Variants in PLPPR1 observed in about 807,000 individuals in gnomAD.
PLPPR1 encodes phospholipid phosphatase related 1.
A neutral mutation model predicts 33.1 loss-of-function variants in PLPPR1; 10 were observed. The observed-to-expected ratio is 0.30, with a 90% CI of 0.19 to 0.51. The LOEUF (loss-of-function observed/expected upper bound fraction) is 0.51. Ranked by LOEUF, PLPPR1 falls within the 20% of genes least tolerant of loss-of-function variation. The probability of loss-of-function intolerance (pLI) is 0.97; values close to 1 mark genes in which losing one functional copy is unlikely to be tolerated. For missense variants in PLPPR1, 304 were observed against 408.1 expected, an observed-to-expected ratio of 0.74 and a Z score of 2.20; for synonymous variants, 151 against 151.0, an observed-to-expected ratio of 1.00 and a Z score of 0.00.
At position 101,035,674 on chromosome 9, in the gene PLPPR1, G is replaced by A. The variant is rs549890167; in HGVS notation, c.-46+6572G>A. ...AACATAGTGCTTGGCATATATAAGC[G>A]TTCAGTAAACGTTTTTGATTGAATA... is the stretch of plus-strand genomic sequence containing the variant. On this transcript the variant is annotated intron_variant, in intron 1 of 7. Transcript: ENST00000374874. Among the ~76,000 whole-genome samples, 18 of 152,178 alleles carry A rather than the reference G, an allele frequency of 1.2e-4. 1 individual carries two copies. The South Asian group carries it at 3.5e-3, about 30-fold the overall frequency.
At chr9:101,314,535 C>T (rs1387278039) in intron 6 of PLPPR1, among the ~76,000 whole-genome samples, 1 of 151,722 alleles carries the variant, frequency 6.6e-6, no homozygotes, top group African/African-American at 2.4e-5. Flanking sequence ...TTTTGGTTTC[C>T]CAGTGCATAT....
chr9:101,289,235 C>T (rs1233493819), intron 4 of PLPPR1, among the ~76,000 whole-genome samples: 1 of 152,212 alleles, frequency 6.6e-6, no homozygotes, highest in Non-Finnish European at 1.5e-5. Flanking sequence ...GCTGTTTAGA[C>T]ATTACCTGTT....
chr9:101,294,597 A>C (rs1211589350), intron 4 of PLPPR1, among the ~76,000 whole-genome samples: 2 of 152,088 alleles, frequency 1.3e-5, no homozygotes, highest in African/African-American at 4.8e-5. Flanking sequence ...CAAAAAGCTT[A>C]TCCACCATGA....
rs1829223182 is a variant in PLPPR1, at chr9:101,324,821, A to C, written c.*764A>C. 6.6e-6 allele frequency: 1 copy of C among 152,640 alleles called. No individual in the cohort carries two copies. The highest frequency in any genetic ancestry group is 1.5e-5 in the Non-Finnish European group (1 of 68,044). The allele number at this position is 152,640 out of a possible 1,614,324, so 9.5% of individuals were successfully genotyped here. A position where few individuals can be genotyped will look rare whatever the true frequency, so the allele number is the denominator to read the frequency against. ...TCAACTCAACAGTTTTGTATCTCAT[A>C]TTATATGGACTTTATATGAAAATGA... On this transcript the variant is annotated 3_prime_UTR_variant, in exon 8 of 8. Transcript: ENST00000374874.
At chr9:101,081,786 G>T (rs1158953401) in intron 1 of PLPPR1, among the ~76,000 whole-genome samples, 2 of 152,194 alleles carry the variant, frequency 1.3e-5, no homozygotes, top group Admixed American at 1.3e-4. Context: ...GAAATCTCCA[G>T]ACTGTGTGGG....
chr9:101,309,528 C>T, intron 5 of PLPPR1, 67 bp downstream of exon 5: 1 of 1,534,648 alleles, frequency 6.5e-7, no homozygotes, highest in Admixed American at 1.8e-5. Context: ...CCTGCCCTGT[C>T]TCCATTCTTT....
chr9:101,029,177 C>T (rs1270844524), intron 1 of PLPPR1, 75 bp downstream of exon 1: 3 of 153,386 alleles, frequency 2.0e-5, no homozygotes, highest in African/African-American at 7.2e-5. Context: ...GGGGCAAGCT[C>T]CTGGCCGGAC....
At chr9:101,051,920 C>T (rs972497618) in intron 1 of PLPPR1, among the ~76,000 whole-genome samples, 1 of 152,166 alleles carries the variant, frequency 6.6e-6, no homozygotes, top group African/African-American at 2.4e-5. Flanking sequence ...TTACCCTATA[C>T]ATATTCTTTC....
intron 2 of PLPPR1, among the ~76,000 whole-genome samples, chr9:101,251,692 A>G (rs1280039285): frequency 6.6e-6 from 1 of 152,056 alleles, no homozygotes; most frequent in East Asian, 1.9e-4. Flanking sequence ...TCATAACCCT[A>G]AAGGTGACTC....
At chr9:101,211,723 G>T (rs1159415196) in intron 2 of PLPPR1, among the ~76,000 whole-genome samples, 2 of 152,144 alleles carry the variant, frequency 1.3e-5, no homozygotes, top group Non-Finnish European at 2.9e-5. Context: ...ATGATGAAAA[G>T]ATTTTAGTCT....
At chr9:101,089,274 T>C (rs1830714355) in intron 1 of PLPPR1, among the ~76,000 whole-genome samples, 1 of 150,624 alleles carries the variant, frequency 6.6e-6, no homozygotes, top group African/African-American at 2.4e-5. Flanking sequence ...ACATAGTAAG[T>C]AATAAAGCTA....
intron 1 of PLPPR1, among the ~76,000 whole-genome samples, chr9:101,124,561 G>C (rs563729018): frequency 3.3e-4 from 51 of 152,248 alleles, no homozygotes; most frequent in South Asian, 2.7e-3. Context: ...TAATGAAACA[G>C]AAGCAAAAAC....
intron 2 of PLPPR1, among the ~76,000 whole-genome samples, chr9:101,244,480 C>G (rs1827545691): frequency 6.6e-6 from 1 of 151,710 alleles, no homozygotes; most frequent in Admixed American, 6.6e-5. Context: ...TCTACGCTCT[C>G]TCATCATCAC....
chr9:101,243,107 G>C (rs950274067), intron 2 of PLPPR1, among the ~76,000 whole-genome samples: 4 of 152,026 alleles, frequency 2.6e-5, no homozygotes, highest in African/African-American at 9.7e-5. Context: ...AACAAAGTGA[G>C]ACACATGTAG....
At chr9:101,123,680 G>A (rs979797433) in intron 1 of PLPPR1, among the ~76,000 whole-genome samples, 1 of 152,160 alleles carries the variant, frequency 6.6e-6, no homozygotes, top group African/African-American at 2.4e-5. Context: ...AGCTGGGATG[G>A]CTTAGCATTT....
intron 2 of PLPPR1, among the ~76,000 whole-genome samples, chr9:101,268,012 C>T (rs1387618188): frequency 1.3e-5 from 2 of 151,918 alleles, no homozygotes; most frequent in South Asian, 4.2e-4. Context: ...GGACGAAAAA[C>T]CAAACACCAC....
In PLPPR1 at chr9:101,052,847, T is replaced by C. The variant is rs147392315; in HGVS notation, c.-46+23745T>C. Among the ~76,000 whole-genome samples, 240 of 152,306 alleles carry C rather than the reference T, an allele frequency of 1.6e-3. 1 individual carries two copies. Among genetic ancestry groups the C allele is most frequent in the African/African-American group, 5.5e-3 (228 of 41,568 alleles). On this transcript the variant is annotated intron_variant, in intron 1 of 7. Coordinates refer to ENST00000374874, the MANE Select transcript of PLPPR1 (RefSeq NM_207299.2). ...AATCTTCCACATAGGGTGGGCATAC[T>C]GTCAACTGAGGCTCTTTTTGCTAAA...
intron 2 of PLPPR1, among the ~76,000 whole-genome samples, chr9:101,238,238 A>G (rs931442283): frequency 2.9e-5 from 4 of 136,356 alleles, no homozygotes; most frequent in Admixed American, 1.5e-4. Flanking sequence ...CTCTATATAT[A>G]CCTATATAGA....
chr9:101,036,292 T>G (rs1253713231), intron 1 of PLPPR1, among the ~76,000 whole-genome samples: 3 of 152,106 alleles, frequency 2.0e-5, no homozygotes, highest in African/African-American at 7.2e-5. Flanking sequence ...TGAAACACCA[T>G]TCATCATTGT....
Sources: gnomAD v4.1 joint callset for allele counts (sites outside exome capture counted in the v4.1 genomes callset) on GRCh38, gnomAD v4.1.1 for gene constraint, MANE v1.5 for transcripts, NCBI Gene and HGNC (gene_info 2026-07-23, HGNC 2026-07-21) for gene names.